UGT3A1: variants seen among roughly 807,000 people sequenced by gnomAD.
UGT3A1 encodes UDP glycosyltransferase family 3 member A1.
In UGT3A1, 40 loss-of-function variants were observed where a neutral mutation model predicts 37.6. The ratio of observed to expected loss-of-function variants is 1.06; its 90% confidence interval spans 0.83 to 1.38. The LOEUF (loss-of-function observed/expected upper bound fraction) is 1.38, where lower values mean the gene tolerates loss of function less well. Ranked by LOEUF, UGT3A1 falls within the 40% of genes most tolerant of loss-of-function variation. The pLI is 0.00. For synonymous variants in UGT3A1, 256 were observed against 232.3 expected, an observed-to-expected ratio of 1.10 and a Z score of -0.93; for missense variants, 642 against 634.2, an observed-to-expected ratio of 1.01 and a Z score of -0.13.
At chr5:35,994,331 G>GT (rs1491129630), upstream of UGT3A1, among the ~76,000 whole-genome samples, 14 of 130,342 alleles carry the variant, frequency 1.1e-4, no homozygotes, top group Admixed American at 1.1e-3. Flanking sequence ...GTTTTGTTTT[G>GT]TTTGTGTGTG....
At chr5:36,000,520 T>A (rs1208412820) in intron 1 of UGT3A1, among the ~76,000 whole-genome samples, 1 of 152,194 alleles carries the variant, frequency 6.6e-6, no homozygotes, top group Admixed American at 6.5e-5. Flanking sequence ...TTTAGACTCA[T>A]GGATTCACAT....
At chr5:35,979,257 C>G (rs1162014091) in intron 2 of UGT3A1, among the ~76,000 whole-genome samples, 2 of 152,202 alleles carry the variant, frequency 1.3e-5, no homozygotes, top group Non-Finnish European at 2.9e-5. Context: ...AATTTCTCCT[C>G]AGAAAATGAG....
intron 4 of UGT3A1, among the ~76,000 whole-genome samples, chr5:35,959,318 T>C (rs1018620978): frequency 6.6e-6 from 1 of 152,188 alleles, no homozygotes; most frequent in African/African-American, 2.4e-5. Context: ...AAATGCATAA[T>C]TTTGAAAAAC....
At chr5:35,993,166 A>G (rs1249317422), upstream of UGT3A1, among the ~76,000 whole-genome samples, 1 of 152,018 alleles carries the variant, frequency 6.6e-6, no homozygotes, top group Non-Finnish European at 1.5e-5. Flanking sequence ...ATATCATCTT[A>G]TATAAAAAAT....
At chr5:35,962,751 A>C in intron 4 of UGT3A1, 1 of 609,766 alleles carries the variant, frequency 1.6e-6, no homozygotes, top group Non-Finnish European at 2.9e-6. Flanking sequence ...GTCCTTCATA[A>C]TTTGGCCAAA....
upstream of UGT3A1, among the ~76,000 whole-genome samples, chr5:35,992,335 C>T (rs1740977058): frequency 6.6e-6 from 1 of 152,134 alleles, no homozygotes; most frequent in Non-Finnish European, 1.5e-5. Context: ...GCCAGACAGA[C>T]AGATGCACAA....
chr5:35,964,547 G>A (rs762859899), intron 4 of UGT3A1, among the ~76,000 whole-genome samples: 3 of 152,210 alleles, frequency 2.0e-5, no homozygotes, highest in East Asian at 1.9e-4. Context: ...AGTCACTTTC[G>A]TACCTGGAAA....
intron 3 of UGT3A1, 138 bp from the exon 4 acceptor site, chr5:35,966,055 A>T: frequency 1.5e-6 from 1 of 666,396 alleles, no homozygotes; most frequent in Non-Finnish European, 2.3e-6. Flanking sequence ...ACAATGTTTC[A>T]ACAAATACTC....
intron 1 of UGT3A1, among the ~76,000 whole-genome samples, chr5:35,990,249 C>T (rs1370058399): frequency 1.3e-5 from 2 of 152,072 alleles, no homozygotes; most frequent in East Asian, 3.9e-4. Context: ...ACTTCCCTGT[C>T]CCTCAGTTGC....
intron 2 of UGT3A1, among the ~76,000 whole-genome samples, chr5:35,979,977 G>A (rs769105139): frequency 2.6e-5 from 4 of 152,158 alleles, no homozygotes; most frequent in Non-Finnish European, 5.9e-5. Context: ...CACAAGAATA[G>A]CACAGGAAAG....
At chr5:35,994,822 C>T (rs554316642), upstream of UGT3A1, among the ~76,000 whole-genome samples, 24 of 152,184 alleles carry the variant, frequency 1.6e-4, no homozygotes, top group Non-Finnish European at 1.8e-4. Flanking sequence ...TCTAAGACCC[C>T]GGAGGAACAT....
At chr5:35,976,592 C>A (rs1157576813) in intron 2 of UGT3A1, among the ~76,000 whole-genome samples, 1 of 152,116 alleles carries the variant, frequency 6.6e-6, no homozygotes, top group Non-Finnish European at 1.5e-5. Flanking sequence ...GTAATCCCAG[C>A]ACTTTGAAAG....
At position 35,988,522 on chromosome 5, in the gene UGT3A1, C is replaced by G; in HGVS notation, c.124G>C (p.Val42Leu). ...CCATGCTCTTGAAGAATCTGAGACA[C>G]CCGGTCCAACAGTAGGTAATGGCTT... ...GGSHYLLLDR[V>L]SQILQEHGHN... Residue 42 changes from valine to leucine, a missense_variant, in exon 2 of 7, where the codon GTG becomes CTG. Transcript: ENST00000274278. 1 of 1,612,970 alleles carries G rather than the reference C, an allele frequency of 6.2e-7. No homozygotes were observed. The highest frequency in any genetic ancestry group is 1.1e-5 in the South Asian group (1 of 90,862).
chr5:35,991,666 C>T (rs1740956601), upstream of UGT3A1: 2 of 992,488 alleles, frequency 2.0e-6, no homozygotes, highest in Admixed American at 1.1e-4. Flanking sequence ...TACTCTGCTT[C>T]CCTTCCAGCT....
chr5:35,965,677 A>T lies in UGT3A1; in HGVS notation c.552T>A (p.Val184=), dbSNP rs762341657. Reference sequence around the variant, plus strand: ...CAGTCAGCAAGGAAGGGAATACTGGAACATAAGACAAGGGGCTTGGTAGCC... The same window carrying T: ...CAGTCAGCAAGGAAGGGAATACTGGTACATAAGACAAGGGGCTTGGTAGCC... The part of the protein sequence containing the change: ...DFGLPSPLSY[V]PVFPSLLTDH... The change falls in exon 4 of 7, where the codon GTT becomes GTA. Residue 184 remains valine, a synonymous_variant. Coordinates refer to ENST00000274278, the MANE Select transcript of UGT3A1 (RefSeq NM_152404.4). The T allele has an allele frequency of 1.9e-6, 3 of 1,614,228 alleles. No individual in the cohort carries two copies. The highest frequency in any genetic ancestry group is 3.3e-5 in the Admixed American group (2 of 60,028).
upstream of UGT3A1, among the ~76,000 whole-genome samples, chr5:35,994,328 TTTGTTTGTGTG>T (rs1350812120): frequency 8.3e-6 from 1 of 119,846 alleles, no homozygotes; most frequent in Admixed American, 9.0e-5. Context: ...TTTGTTTTGT[TTTGTTTGTGTG>T]TGTGTGTGTG....
chr5:35,962,842 C>T (rs761839475), intron 4 of UGT3A1: 5 of 701,422 alleles, frequency 7.1e-6, no homozygotes, highest in East Asian at 2.7e-5. Context: ...GATACACAGG[C>T]TAGGAGGTGT....
In UGT3A1 at chr5:35,977,063, GAGAA is replaced by G. The variant is rs1200183758; in HGVS notation, c.197-8934_197-8931del. Among the ~76,000 whole-genome samples, 572 of 137,274 alleles carry G rather than the reference GAGAA, an allele frequency of 4.2e-3. 17 individuals are homozygous for G. The East Asian group carries it at 0.045, about 11-fold the overall frequency. 90.1% of individuals were successfully genotyped at this position (137,274 alleles called of 152,430 possible). On this transcript the variant is annotated intron_variant, in intron 2 of 6. Transcript: ENST00000274278. ...GAGAAAGGGAGAAAGAGAAGAGAAA[GAGAA>G]AGAAAGAAAAGAAAGAAAGAAAGAG...
intron 2 of UGT3A1, among the ~76,000 whole-genome samples, chr5:35,980,745 TGATA>T (rs1408266245): frequency 6.6e-6 from 1 of 152,242 alleles, no homozygotes; most frequent in African/African-American, 2.4e-5. Context: ...CCATGGGTTC[TGATA>T]TTCAGAAGAA....
Sources: allele counts gnomAD v4.1 joint callset (sites outside exome capture counted in the v4.1 genomes callset), GRCh38; gene constraint gnomAD v4.1.1; transcripts MANE v1.5; gene names NCBI Gene and HGNC (gene_info 2026-07-23, HGNC 2026-07-21).